Variants in EDARADD observed in about 807,000 individuals in gnomAD.
EDARADD encodes the protein EDAR associated via death domain.
Under a neutral mutation model 25.6 loss-of-function variants are expected in EDARADD, and 20 were observed. The ratio of observed to expected loss-of-function variants is 0.78; its 90% CI spans 0.55 to 1.14. EDARADD has a LOEUF of 1.14. EDARADD is among the 50% of genes most tolerant of loss of function. EDARADD has a pLI of 0.00. For synonymous variants in EDARADD, 86 were observed against 94.4 expected (o/e 0.91, Z 0.52); for missense variants, 225 against 270.1 (o/e 0.83, Z 1.17).
intron 5 of EDARADD, among the ~76,000 whole-genome samples, chr1:236,474,305 T>C (rs1281147278): frequency 6.6e-6 from 1 of 152,184 alleles, no homozygotes; most frequent in Non-Finnish European, 1.5e-5. Flanking sequence ...CTTCTTCACC[T>C]GACAAAGGCT....
chr1:236,352,136 TAC>T (rs1340208588), intron 3 of EDARADD, among the ~76,000 whole-genome samples: 2 of 152,196 alleles, frequency 1.3e-5, no homozygotes, highest in Non-Finnish European at 2.9e-5. Flanking sequence ...TGTAGCTATT[TAC>T]AGTTTCCTTT....
chr1:236,378,621 G>A (rs1353182637), intron 3 of EDARADD, among the ~76,000 whole-genome samples: 2 of 152,134 alleles, frequency 1.3e-5, no homozygotes, highest in Non-Finnish European at 2.9e-5. Flanking sequence ...TGACTTCCAA[G>A]CTCCCTGCGT....
chr1:236,465,081 G>C (rs539162961), intron 4 of EDARADD, among the ~76,000 whole-genome samples: 1 of 152,186 alleles, frequency 6.6e-6, no homozygotes, highest in East Asian at 1.9e-4. Context: ...CCCAGTGATC[G>C]CATCTCTACA....
rs760506554 is a variant in EDARADD at position 236,409,284 on chromosome 1, A to C, written c.120+10A>C. 6.2e-6 allele frequency: 10 copies of C among 1,601,230 alleles called. No homozygotes were observed. Among genetic ancestry groups the C allele is most frequent in the Non-Finnish European group, 8.6e-6 (10 of 1,168,610 alleles). ...TTTATCCTTTAATATGGTAGGTGACAAATTTTACACTAATGGTGATAATTA... is the reference window on the plus strand; with the variant it reads ...TTTATCCTTTAATATGGTAGGTGACCAATTTTACACTAATGGTGATAATTA... On this transcript the variant is annotated intron_variant, in intron 2 of 5. Transcript: ENST00000334232.
chr1:236,391,410 T>C (rs757190995), upstream of EDARADD, among the ~76,000 whole-genome samples: 120 of 152,198 alleles, frequency 7.9e-4, no homozygotes, highest in Non-Finnish European at 1.4e-3. Context: ...CATGGAAACT[T>C]AGTAACTCTT....
chr1:236,368,126 T>A (rs1031035946), intron 3 of EDARADD, among the ~76,000 whole-genome samples: 6 of 151,952 alleles, frequency 3.9e-5, no homozygotes, highest in Admixed American at 3.9e-4. Context: ...AAAGAAAAAA[T>A]CCAATCCCAG....
chr1:236,355,689 T>G (rs1666968190), intron 3 of EDARADD, among the ~76,000 whole-genome samples: 1 of 151,912 alleles, frequency 6.6e-6, no homozygotes, highest in East Asian at 1.9e-4. Flanking sequence ...TTTGTATTTT[T>G]AGTAGAGACA....
intron 1 of EDARADD, among the ~76,000 whole-genome samples, chr1:236,397,735 G>A (rs1667542083): frequency 6.6e-6 from 1 of 152,110 alleles, no homozygotes; most frequent in Non-Finnish European, 1.5e-5. Context: ...GTTGGCAGAG[G>A]ATGCTGAAGA....
chr1:236,473,374 C>A (rs680578), intron 5 of EDARADD, among the ~76,000 whole-genome samples: 3 of 151,928 alleles, frequency 2.0e-5, no homozygotes, highest in African/African-American at 7.3e-5. Flanking sequence ...TGGGGCAAAG[C>A]CCCTGAGGCT....
chr1:236,372,965 G>C (rs1437063186), intron 3 of EDARADD, among the ~76,000 whole-genome samples: 1 of 135,450 alleles, frequency 7.4e-6, no homozygotes, highest in Non-Finnish European at 1.5e-5. Context: ...ACCCAGGCTG[G>C]AGTGCAGTGG....
At chr1:236,430,668 A>G (rs192472971) in intron 4 of EDARADD, among the ~76,000 whole-genome samples, 23 of 152,338 alleles carry the variant, frequency 1.5e-4, no homozygotes, top group African/African-American at 5.3e-4. Flanking sequence ...TCCGTTGACT[A>G]TTTCTTTGTA....
chr1:236,418,133 T>G (rs547257469), intron 3 of EDARADD, among the ~76,000 whole-genome samples: 123 of 152,024 alleles, frequency 8.1e-4, no homozygotes, highest in African/African-American at 2.9e-3. Context: ...TTTTGTATTT[T>G]TAGTAAAGAC....
At position 236,415,539 on chromosome 1, in the gene EDARADD, G is replaced by A. The variant is rs144787836; in HGVS notation, c.160+1240G>A. Reference sequence around the variant, plus strand: ...TGGCTCACTGCAACCTCTGCCTCCCGGGTTCAAGCGATTCTCCTCCCTCAG... The same window carrying A: ...TGGCTCACTGCAACCTCTGCCTCCCAGGTTCAAGCGATTCTCCTCCCTCAG... On this transcript the variant is annotated intron_variant, in intron 3 of 5. Transcript: ENST00000334232. Among the ~76,000 whole-genome samples, 510 of 152,196 alleles carry A rather than the reference G, an allele frequency of 3.4e-3. 4 individuals carry two copies. Among genetic ancestry groups the A allele is most frequent in the African/African-American group, 0.012 (489 of 41,530 alleles).
chr1:236,453,474 C>T (rs146476944), intron 4 of EDARADD, among the ~76,000 whole-genome samples: 3,642 of 152,072 alleles, frequency 0.024, 59 homozygotes, highest in Middle Eastern at 0.051. Context: ...GATGGGGTTT[C>T]GACACATTGG....
intron 5 of EDARADD, among the ~76,000 whole-genome samples, chr1:236,481,983 G>A (rs1353899445): frequency 6.7e-6 from 1 of 150,088 alleles, no homozygotes; most frequent in Admixed American, 6.6e-5. Context: ...TGCAGTGGCG[G>A]GTGCCTATAG....
chr1:236,379,910 C>G (rs759470272), intron 3 of EDARADD, among the ~76,000 whole-genome samples: 10 of 152,212 alleles, frequency 6.6e-5, no homozygotes, highest in Non-Finnish European at 1.2e-4. Flanking sequence ...AAATTTATCT[C>G]TGTGCTAAAG....
Position 236,427,359 on chromosome 1 carries a change from G to C in EDARADD, c.161-33G>C, listed in dbSNP as rs636048. 870,470 of 1,591,266 alleles carry C rather than the reference G, an allele frequency of 0.55. 248,366 individuals are homozygous for C. Among genetic ancestry groups the C allele is most frequent in the Non-Finnish European group, 0.59 (692,709 of 1,165,942 alleles). On this transcript the variant is annotated intron_variant, in intron 3 of 5. Transcript: ENST00000334232. ...TGTGTGCTTTTTAAAATCACACTTTGTTTCTTTCTTTCTTTCTTTTTTTTT... is the reference window on the plus strand; with the variant it reads ...TGTGTGCTTTTTAAAATCACACTTTCTTTCTTTCTTTCTTTCTTTTTTTTT...
At chr1:236,412,921 T>C (rs921950769) in intron 2 of EDARADD, among the ~76,000 whole-genome samples, 2 of 152,216 alleles carry the variant, frequency 1.3e-5, no homozygotes, top group African/African-American at 4.8e-5. Flanking sequence ...CAGGCTGGAG[T>C]GCGATGGCAC....
intron 2 of EDARADD, among the ~76,000 whole-genome samples, chr1:236,412,699 C>T (rs1476921042): frequency 1.3e-5 from 2 of 152,198 alleles, no homozygotes; most frequent in African/African-American, 4.8e-5. Flanking sequence ...CTAGCTCCAG[C>T]ATCGTCTTTC....
Sources: allele counts gnomAD v4.1 joint callset (sites outside exome capture counted in the v4.1 genomes callset), GRCh38; gene constraint gnomAD v4.1.1; transcripts MANE v1.5; gene names NCBI Gene and HGNC (gene_info 2026-07-23, HGNC 2026-07-21).